KLHL30: variants seen among roughly 807,000 people sequenced by gnomAD.
KLHL30 encodes kelch like family member 30, also known as kelch-like protein 30.
In KLHL30, 55 loss-of-function variants were observed where a neutral mutation model predicts 55.0. The observed-to-expected ratio is 1.00, with a 90% CI of 0.80 to 1.25. KLHL30 has a LOEUF of 1.25. Among genes scored for constraint, KLHL30 ranks in the 50% most tolerant of loss-of-function variants. The pLI, the probability that KLHL30 is intolerant of heterozygous loss-of-function variation, is 0.00. For missense variants in KLHL30, 786 were observed against 811.6 expected (o/e 0.97, Z 0.38); for synonymous variants, 356 against 372.6 (o/e 0.96, Z 0.51).
Position 238,141,111 on chromosome 2 carries a change from G to A in KLHL30, c.357G>A (p.Gln119=). 6.2e-7 allele frequency: 1 copy of A among 1,610,292 alleles called. No homozygotes were observed. The highest frequency in any genetic ancestry group is 1.3e-5 in the African/African-American group (1 of 75,040). ...TAARLHFPSV[Q]KVCGRYLQQQ... ...CGCGCCTGCACTTCCCCTCGGTGCA[G>A]AAGGTCTGCGGCCGCTACCTGCAGC... The change falls in exon 2 of 8, where the codon CAG becomes CAA. Residue 119 remains glutamine (Q), a synonymous_variant. Transcript: ENST00000409223.
At chr2:238,141,555 C>A (rs958866129) in intron 2 of KLHL30, 27 bp downstream of exon 2, 21 of 1,432,486 alleles carry the variant, frequency 1.5e-5, no homozygotes, top group Non-Finnish European at 1.9e-5. Context: ...GAGGCCCCAT[C>A]CCTGGGAAGC....
intron 7 of KLHL30, among the ~76,000 whole-genome samples, chr2:238,149,798 C>G (rs1383988282): frequency 6.6e-6 from 1 of 152,146 alleles, no homozygotes; most frequent in Admixed American, 6.5e-5. Context: ...CTTTGACCAT[C>G]AGTGCCTGAG....
rs1401795194 is a variant in KLHL30 at position 238,140,933 on chromosome 2, C to G, written c.179C>G (p.Ala60Gly). 6.2e-7 allele frequency: 1 copy of G among 1,611,270 alleles called. No individual in the cohort carries two copies. The highest frequency in any genetic ancestry group is 1.1e-5 in the South Asian group (1 of 90,996). The part of the protein sequence containing the change: ...LLALSSPYFH[A>G]MFAGDFAESF... ...GCGCTCAGCAGCCCCTACTTCCATG[C>G]CATGTTTGCGGGTGACTTCGCCGAG... Residue 60 changes from alanine (A) to glycine (G), a missense_variant, in exon 2 of 8, where the codon GCC becomes GGC. By Grantham distance (60) the Ala-to-Gly change is moderately conservative. Coordinates refer to ENST00000409223, the MANE Select transcript of KLHL30 (RefSeq NM_198582.4).
Position 238,147,138 on chromosome 2 carries a change from C to A in KLHL30, c.1151-696C>A, listed in dbSNP as rs530593246. Among the ~76,000 whole-genome samples, 217 of 142,934 alleles carry A rather than the reference C, an allele frequency of 1.5e-3. No homozygotes were observed. The highest frequency in any genetic ancestry group is 3.1e-3 in the African/African-American group (119 of 38,708). 93.8% of individuals were successfully genotyped at this position (142,934 alleles called of 152,430 possible). A position where few individuals can be genotyped will look rare whatever the true frequency, so the allele number is the denominator to read the frequency against. The stretch of plus-strand genomic sequence containing the variant: ...CTTCAGCCTGGGTGACCGAGCAAGA[C>A]CCTGTCTCAAAAAAAAAAAAAAGAA... On this transcript the variant is annotated intron_variant, in intron 5 of 7. Coordinates refer to ENST00000409223, the MANE Select transcript of KLHL30 (RefSeq NM_198582.4). This position sits in a 1 kb window ranked among gnomAD's most constrained non-coding sequence, Gnocchi z 5.8.
intron 7 of KLHL30, among the ~76,000 whole-genome samples, chr2:238,150,540 G>A (rs1372462976): frequency 1.3e-5 from 2 of 152,148 alleles, no homozygotes; most frequent in Non-Finnish European, 2.9e-5. Flanking sequence ...CTCCCCGGGA[G>A]GCCTCAGGGC....
At position 238,141,131 on chromosome 2, in the gene KLHL30, T is replaced by C; in HGVS notation, c.377T>C (p.Leu126Pro). ...PSVQKVCGRY[L>P]QQQLDAANCL... The stretch of plus-strand genomic sequence containing the variant: ...GTGCAGAAGGTCTGCGGCCGCTACC[T>C]GCAGCAGCAACTGGATGCCGCCAAC... The change falls in exon 2 of 8, where the codon CTG becomes CCG. Residue 126 changes from leucine (L) to proline (P), a missense_variant. Physicochemically the swap from Leu to Pro is moderately conservative, Grantham distance 98. Transcript: ENST00000409223. 6.2e-7 allele frequency: 1 copy of C among 1,611,404 alleles called. No individual in the cohort carries two copies. Among genetic ancestry groups the C allele is most frequent in the South Asian group, 1.1e-5 (1 of 91,026 alleles).
At chr2:238,145,964 C>G in intron 5 of KLHL30, 132 bp downstream of exon 5, 3 of 1,143,404 alleles carry the variant, frequency 2.6e-6, no homozygotes, top group South Asian at 1.6e-5. Flanking sequence ...CCTCAGGGCT[C>G]GCTGTCTGGT....
chr2:238,140,621 G>A (rs956139799), intron 1 of KLHL30, 64 bp from the exon 2 acceptor site: 32 of 837,760 alleles, frequency 3.8e-5, no homozygotes, highest in Middle Eastern at 6.0e-4. Flanking sequence ...TGGACAGACC[G>A]GGTGGGTTGC....
chr2:238,149,520 C>T (rs73999849), intron 7 of KLHL30, among the ~76,000 whole-genome samples: 2 of 152,284 alleles, frequency 1.3e-5, no homozygotes, highest in East Asian at 1.9e-4. Context: ...ACAGGGGTGA[C>T]GGTGATGGTG....
chr2:238,144,432 A>AAGGAAGGAAGGAAGGAAGGAAGGCAGGC (rs1692608040), intron 3 of KLHL30, among the ~76,000 whole-genome samples: 23 of 82,418 alleles, frequency 2.8e-4, no homozygotes, highest in Admixed American at 6.2e-4. Context: ...GGAAGGAAGG[A>AAGGAAGGAAGGAAGGAAGGAAGGCAGGC]AGGCAGGCAG....
intron 6 of KLHL30, among the ~76,000 whole-genome samples, chr2:238,148,350 T>C (rs1291825609): frequency 6.6e-6 from 1 of 152,170 alleles, no homozygotes; most frequent in Admixed American, 6.5e-5. Context: ...ACCTGGCAGC[T>C]GCCTGGCTGT....
Position 238,142,910 on chromosome 2 carries a change from G to T in KLHL30, c.886G>T (p.Ala296Ser). The change falls in exon 3 of 8, where the codon GCC (alanine) becomes TCC (serine). Residue 296 changes from alanine (A) to serine (S), a missense_variant. Transcript: ENST00000409223. Reference protein sequence around the residue: ...EEPTPGLGNFAFYNSKAKRWM... With the variant: ...EEPTPGLGNFSFYNSKAKRWM... Reference sequence around the variant, plus strand: ...GCCCACCCCCGGCCTTGGGAACTTTGCCTTCTACAACAGCAAGGCCAGTGA... The same window carrying T: ...GCCCACCCCCGGCCTTGGGAACTTTTCCTTCTACAACAGCAAGGCCAGTGA... 1.3e-6 allele frequency: 2 copies of T among 1,505,230 alleles called. No individual in the cohort carries two copies. The highest frequency in any genetic ancestry group is 5.4e-5 in the East Asian group (2 of 36,994). 93.2% of individuals were successfully genotyped at this position (1,505,230 alleles called of 1,614,324 possible). A position where few individuals can be genotyped will look rare whatever the true frequency, so the allele number is the denominator to read the frequency against.
intron 6 of KLHL30, among the ~76,000 whole-genome samples, chr2:238,148,777 A>G (rs1286261440): frequency 1.3e-5 from 2 of 152,182 alleles, no homozygotes; most frequent in East Asian, 1.9e-4. Flanking sequence ...CCCCTCACCT[A>G]TGCTGCAGCC....
intron 2 of KLHL30, among the ~76,000 whole-genome samples, chr2:238,142,400 G>A (rs935632962): frequency 2.6e-5 from 4 of 152,156 alleles, no homozygotes; most frequent in Admixed American, 1.3e-4. Flanking sequence ...CCATATGGGG[G>A]GCCAGGGTGG....
At chr2:238,146,402 A>G (rs922394304) in intron 5 of KLHL30, among the ~76,000 whole-genome samples, 17 of 150,246 alleles carry the variant, frequency 1.1e-4, no homozygotes, top group African/African-American at 3.2e-4. Context: ...TTATTTATGT[A>G]TTTTTTATTT....
At chr2:238,145,936 T>C in intron 5 of KLHL30, 104 bp downstream of exon 5, 14 of 1,299,338 alleles carry the variant, frequency 1.1e-5, no homozygotes, top group Non-Finnish European at 1.5e-5. Context: ...ACCACGGAGA[T>C]GCCGCTCCCA....
At chr2:238,139,914 G>A (rs559911760) in intron 1 of KLHL30, among the ~76,000 whole-genome samples, 5 of 152,360 alleles carry the variant, frequency 3.3e-5, no homozygotes, top group African/African-American at 1.2e-4. Context: ...GAGCCTGAAA[G>A]CGGCCTTGCT....
rs187532231 is a variant in KLHL30 at position 238,151,968 on chromosome 2, C to A, written c.*903C>A. 9.3e-5 allele frequency: 92 copies of A among 985,510 alleles called. 1 individual carries two copies. In the African/African-American group the frequency reaches 1.4e-3, roughly 15 times the overall value. 61.0% of individuals were successfully genotyped at this position (985,510 alleles called of 1,614,324 possible). A position where few individuals can be genotyped will look rare whatever the true frequency, so the allele number is the denominator to read the frequency against. On this transcript the variant is annotated 3_prime_UTR_variant, in exon 8 of 8. Coordinates refer to ENST00000409223, the MANE Select transcript of KLHL30 (RefSeq NM_198582.4). ...CCCCTGCCAGCATGCAGCCCGACTC[C>A]GGCTGGCTCAGGCTCCGAGTGGCTT...
intron 4 of KLHL30, among the ~76,000 whole-genome samples, 167 bp from the exon 5 acceptor site, chr2:238,145,510 C>T (rs1055953371): frequency 2.0e-5 from 3 of 152,196 alleles, no homozygotes; most frequent in Non-Finnish European, 4.4e-5. Flanking sequence ...ATGGAGGGAC[C>T]TGGGCAGTCA....
Sources: allele counts gnomAD v4.1 joint callset (sites outside exome capture counted in the v4.1 genomes callset), GRCh38; gene constraint gnomAD v4.1.1; non-coding constraint Gnocchi (gnomAD v3.1); transcripts MANE v1.5; gene names NCBI Gene and HGNC (gene_info 2026-07-23, HGNC 2026-07-21).